The following ACCSL variants were observed in gnomAD, a reference collection of about 807,000 sequenced individuals.
ACCSL encodes the protein 1-aminocyclopropane-1-carboxylate synthase homolog (inactive) like.
A neutral mutation model predicts 61.7 loss-of-function variants in ACCSL; 55 were observed. The ratio of observed to expected loss-of-function variants is 0.89; its 90% CI spans 0.72 to 1.12. ACCSL has a LOEUF of 1.12. Among genes scored for constraint, ACCSL ranks in the 50% most tolerant of loss-of-function variants. The pLI, the probability that ACCSL is intolerant of heterozygous loss-of-function variation, is 0.00. For missense variants in ACCSL, 632 were observed against 698.0 expected, an observed-to-expected ratio of 0.91 and a Z score of 1.07; for synonymous variants, 258 against 264.3, an observed-to-expected ratio of 0.98 and a Z score of 0.23.
the ACCSL span, among the ~76,000 whole-genome samples, chr11:43,994,287 G>C: frequency 6.6e-6 from 1 of 152,162 alleles, no homozygotes; most frequent in East Asian, 1.9e-4. Context: ...AGTCCTCACT[G>C]ATAGTGCCAC....
At chr11:43,954,363 G>T in the ACCSL span, among the ~76,000 whole-genome samples, 1 of 152,176 alleles carries the variant, frequency 6.6e-6, no homozygotes, top group African/African-American at 2.4e-5. Context: ...CCTGCAGAGA[G>T]AGGGGTCCCA....
intron 3 of ACCSL, 42 bp from the exon 4 acceptor site, chr11:44,051,293 A>G (rs769846235): frequency 1.2e-6 from 2 of 1,608,016 alleles, no homozygotes; most frequent in South Asian, 1.1e-5. Flanking sequence ...GAGTGAGGAA[A>G]GGGGCCCGGA....
the ACCSL span, among the ~76,000 whole-genome samples, chr11:43,945,938 A>G: frequency 1.3e-5 from 2 of 152,190 alleles, no homozygotes; most frequent in Non-Finnish European, 2.9e-5. Flanking sequence ...CCAGCCAACA[A>G]CAGAGGTTAT....
At chr11:44,004,376 GGA>G in the ACCSL span, among the ~76,000 whole-genome samples, 16 of 151,888 alleles carry the variant, frequency 1.1e-4, no homozygotes, top group African/African-American at 3.6e-4. Context: ...AACTACCCAG[GGA>G]CCCCCAAGAG....
the ACCSL span, among the ~76,000 whole-genome samples, chr11:43,987,040 C>T: frequency 6.6e-6 from 1 of 152,124 alleles, no homozygotes; most frequent in Non-Finnish European, 1.5e-5. Context: ...TGTGGCACAG[C>T]GGGGCCTGGG....
chr11:43,936,128 G>A, the ACCSL span, among the ~76,000 whole-genome samples: 1 of 152,204 alleles, frequency 6.6e-6, no homozygotes, highest in South Asian at 2.1e-4. Flanking sequence ...ATCCGCCAAG[G>A]TCCCCGAGGG....
the ACCSL span, among the ~76,000 whole-genome samples, chr11:43,924,242 T>C: frequency 2.0e-5 from 3 of 152,240 alleles, no homozygotes; most frequent in Non-Finnish European, 4.4e-5. Flanking sequence ...AGATCTGGGA[T>C]CTGGTGTCCG....
intron 5 of ACCSL, 98 bp from the exon 6 acceptor site, chr11:44,052,564 C>CT: frequency 9.6e-7 from 1 of 1,043,288 alleles, no homozygotes; most frequent in Non-Finnish European, 1.5e-6. Context: ...GTGAAACTGA[C>CT]TTTTTTTCTG....
At chr11:44,000,494 C>T in the ACCSL span, among the ~76,000 whole-genome samples, 1 of 146,532 alleles carries the variant, frequency 6.8e-6, no homozygotes, top group South Asian at 2.1e-4. Flanking sequence ...CCACTGCACT[C>T]CAGCCTGGGT....
chr11:43,965,072 A>G, the ACCSL span, among the ~76,000 whole-genome samples: 2 of 152,244 alleles, frequency 1.3e-5, no homozygotes, highest in African/African-American at 4.8e-5. Context: ...TTAACGTTGT[A>G]CTGGAAGTTC....
chr11:43,921,652 G>T, the ACCSL span, among the ~76,000 whole-genome samples: 1 of 152,130 alleles, frequency 6.6e-6, no homozygotes, highest in South Asian at 2.1e-4. Flanking sequence ...AAGTCTTCCA[G>T]CGTCCCTCTT....
At chr11:43,969,656 C>A in the ACCSL span, among the ~76,000 whole-genome samples, 3 of 152,068 alleles carry the variant, frequency 2.0e-5, no homozygotes, top group Non-Finnish European at 2.9e-5. Flanking sequence ...GCCCAGCAAG[C>A]CCTGCTGACT....
the ACCSL span, chr11:43,943,910 C>T: frequency 1.9e-5 from 23 of 1,182,220 alleles, no homozygotes; most frequent in South Asian, 3.1e-5. This position sits in a 1 kb window ranked among gnomAD's most constrained non-coding sequence, Gnocchi z 4.8. Flanking sequence ...ACTTTTTGCA[C>T]CTTCGGGGTC....
chr11:44,018,378 C>T, the ACCSL span, among the ~76,000 whole-genome samples: 1 of 151,986 alleles, frequency 6.6e-6, no homozygotes, highest in Non-Finnish European at 1.5e-5. Flanking sequence ...AGCAGGAGCC[C>T]CAACTCGCCC....
At chr11:44,031,470 C>T in the ACCSL span, among the ~76,000 whole-genome samples, 2 of 152,180 alleles carry the variant, frequency 1.3e-5, no homozygotes, top group African/African-American at 4.8e-5. Flanking sequence ...CAAAGGAAAG[C>T]ATCAAGACAG....
At chr11:43,952,900 G>A in the ACCSL span, among the ~76,000 whole-genome samples, 4 of 152,138 alleles carry the variant, frequency 2.6e-5, no homozygotes, top group African/African-American at 4.8e-5. Context: ...CCCAGAACCG[G>A]GTTGGCCATA....
chr11:44,045,992 G>A (rs1952594934), upstream of ACCSL, among the ~76,000 whole-genome samples: 1 of 152,210 alleles, frequency 6.6e-6, no homozygotes, highest in South Asian at 2.1e-4. Flanking sequence ...GCACTCCGCA[G>A]GACCAACAGG....
Position 44,051,479 on chromosome 11 carries a change from G to A in ACCSL, c.705+75G>A, listed in dbSNP as rs924960022. On this transcript the variant is annotated intron_variant, in intron 4 of 13. Coordinates refer to ENST00000378832, the MANE Select transcript of ACCSL (RefSeq NM_001031854.2). ...TTGGAGGATGCTCTGCCCTTTCTAG[G>A]GGGTACAAGGAGAACCAGTGAAGAC... 6.3e-6 allele frequency: 10 copies of A among 1,584,392 alleles called. No individual in the cohort carries two copies. The African/African-American group carries it at 1.1e-4, about 17-fold the overall frequency.
the ACCSL span, among the ~76,000 whole-genome samples, chr11:44,005,396 G>C: frequency 1.3e-5 from 2 of 152,110 alleles, no homozygotes; most frequent in Non-Finnish European, 2.9e-5. Flanking sequence ...GTGGGGGAGG[G>C]GAGGGTTCTG....
Sources: allele counts gnomAD v4.1 joint callset (sites outside exome capture counted in the v4.1 genomes callset), GRCh38; gene constraint gnomAD v4.1.1; non-coding constraint Gnocchi (gnomAD v3.1); transcripts MANE v1.5; gene names NCBI Gene and HGNC (gene_info 2026-07-23, HGNC 2026-07-21).